FARP1: variants seen among roughly 807,000 people sequenced by gnomAD.
FARP1 encodes FERM, ARHGEF and pleckstrin domain-containing protein 1.
Under a neutral mutation model 128.8 loss-of-function variants are expected in FARP1, and 52 were observed. The ratio of observed to expected loss-of-function variants is 0.40; its 90% CI spans 0.32 to 0.51. FARP1 has a LOEUF of 0.51. Ranked by LOEUF, FARP1 falls within the 20% of genes least tolerant of loss-of-function variation. The pLI, the probability that FARP1 is intolerant of heterozygous loss-of-function variation, is 0.45. For missense variants in FARP1, 1,333 were observed against 1,367.9 expected (o/e 0.97, Z 0.40); for synonymous variants, 580 against 551.8 (o/e 1.05, Z -0.72).
chr13:98,373,535 C>G (rs1199853411), intron 5 of FARP1, among the ~76,000 whole-genome samples: 2 of 56,810 alleles, frequency 3.5e-5, no homozygotes, highest in African/African-American at 1.0e-4. Context: ...GACAGACAGA[C>G]ACACACACAC....
chr13:98,453,007 GCA>G lies in FARP1; in HGVS notation c.*4693_*4694del. ...ATCTGAGAGACTTCATCTGGCTGCA[GCA>G]CAGTGAAGACTGTGTGTGTCCCTGG... On this transcript the variant is annotated 3_prime_UTR_variant, in exon 27 of 27. Transcript: ENST00000319562. The G allele has an allele frequency of 1.6e-6, 1 of 633,004 alleles. No homozygotes were observed. Among genetic ancestry groups the G allele is most frequent in the Non-Finnish European group, 2.7e-6 (1 of 372,420 alleles). 39.2% of individuals were successfully genotyped at this position (633,004 alleles called of 1,614,324 possible). A position where few individuals can be genotyped will look rare whatever the true frequency, so the allele number is the denominator to read the frequency against.
At position 98,440,739 on chromosome 13, in the gene FARP1, T is replaced by A; in HGVS notation, c.2699T>A (p.Leu900Gln). The change falls in exon 24 of 27, where the codon CTG (leucine) becomes CAG (glutamine). Residue 900 changes from leucine (L) to glutamine (Q), a missense_variant. By Grantham distance (113) the Leu-to-Gln change is moderately radical. Transcript: ENST00000319562. ...EDDLSASRTS[L>Q]ERQAPHRGNT... Reference sequence around the variant, plus strand: ...GACCTGAGCGCCTCGCGCACATCGCTGGAGCGCCAGGCCCCGCACCGCGGC... The same window carrying A: ...GACCTGAGCGCCTCGCGCACATCGCAGGAGCGCCAGGCCCCGCACCGCGGC... The A allele has an allele frequency of 6.2e-7, 1 of 1,613,500 alleles. No individual in the cohort carries two copies. Among genetic ancestry groups the A allele is most frequent in the East Asian group, 2.2e-5 (1 of 44,880 alleles).
At chr13:98,366,363 A>G (rs1157945679) in intron 4 of FARP1, among the ~76,000 whole-genome samples, 2 of 152,220 alleles carry the variant, frequency 1.3e-5, no homozygotes, top group African/African-American at 4.8e-5. Flanking sequence ...TATAATAATT[A>G]TACTGACAAT....
chr13:98,170,726 A>C (rs1877595900), intron 1 of FARP1, among the ~76,000 whole-genome samples: 1 of 151,372 alleles, frequency 6.6e-6, no homozygotes, highest in South Asian at 2.1e-4. Flanking sequence ...TCCTGATCTC[A>C]AGTGATCTGC....
At chr13:98,436,212 C>G (rs1313206449) in intron 19 of FARP1, 38 of 219,304 alleles carry the variant, frequency 1.7e-4, no homozygotes, top group Admixed American at 1.5e-3. Flanking sequence ...AGGAGAGATG[C>G]AAGTTCACTG....
rs1050484249 is a variant in FARP1 at position 98,445,966 on chromosome 13, G to GC, written c.2797-131dup. The GC allele has an allele frequency of 4.9e-6, 3 of 617,110 alleles. No individual in the cohort carries two copies. In the African/African-American group the frequency reaches 5.5e-5, roughly 11 times the overall value. The allele number at this position is 617,110 out of a possible 1,614,324, so 38.2% of individuals were successfully genotyped here. ...GCCAAGTCTCCCCACACACGGGGGAGCGGGGGTGGGGCCCACATCCTTCAG... is the reference window on the plus strand; with the variant it reads ...GCCAAGTCTCCCCACACACGGGGGAGCCGGGGGTGGGGCCCACATCCTTCAG... On this transcript the variant is annotated intron_variant, in intron 24 of 26. Transcript: ENST00000319562.
intron 2 of FARP1, among the ~76,000 whole-genome samples, chr13:98,299,249 G>C (rs988894511): frequency 2.6e-5 from 4 of 152,088 alleles, no homozygotes; most frequent in Middle Eastern, 3.4e-3. Flanking sequence ...CTGTTTTTTT[G>C]GCATAGGGTG....
chr13:98,314,371 C>T (rs1251914860), intron 2 of FARP1, among the ~76,000 whole-genome samples: 1 of 149,670 alleles, frequency 6.7e-6, no homozygotes, highest in African/African-American at 2.5e-5. Context: ...CCTCCGTCTC[C>T]CGGGTTCAAG....
At chr13:98,307,994 T>C (rs1175039215) in intron 2 of FARP1, among the ~76,000 whole-genome samples, 1 of 126,652 alleles carries the variant, frequency 7.9e-6, no homozygotes, top group Non-Finnish European at 1.7e-5. Context: ...GCCCCTGGCC[T>C]GGACTGCCTG....
At chr13:98,255,221 C>T (rs1371775564) in intron 2 of FARP1, among the ~76,000 whole-genome samples, 14 of 152,012 alleles carry the variant, frequency 9.2e-5, no homozygotes, top group African/African-American at 9.7e-5. Flanking sequence ...TTGCTGTGGC[C>T]GGGCACGGTG....
chr13:98,216,178 T>C (rs765572950), intron 2 of FARP1, among the ~76,000 whole-genome samples: 1 of 152,200 alleles, frequency 6.6e-6, no homozygotes, highest in Non-Finnish European at 1.5e-5. Flanking sequence ...AAGTCACATA[T>C]CAGCATTTTT....
At chr13:98,334,389 A>C (rs1388362819) in intron 2 of FARP1, 1 of 152,158 alleles carries the variant, frequency 6.6e-6, no homozygotes, top group Non-Finnish European at 1.5e-5. Flanking sequence ...TTTGATACAC[A>C]CAGGCAGAAG....
intron 2 of FARP1, among the ~76,000 whole-genome samples, chr13:98,271,103 G>A (rs1472344668): frequency 6.6e-6 from 1 of 152,218 alleles, no homozygotes; most frequent in African/African-American, 2.4e-5. Context: ...GCTGAAAGCA[G>A]CCTACTTAGG....
intron 26 of FARP1, chr13:98,447,955 G>A (rs1192027955): frequency 1.0e-5 from 5 of 477,546 alleles, no homozygotes; most frequent in Non-Finnish European, 1.9e-5. Flanking sequence ...GTTCTCCCCA[G>A]CAACCAGAGG....
chr13:98,396,508 T>A, intron 13 of FARP1: 1 of 399,012 alleles, frequency 2.5e-6, no homozygotes. Flanking sequence ...AGGAGCCAAG[T>A]CTTCAGCCCG....
At chr13:98,340,414 G>A (rs796662431) in intron 2 of FARP1, among the ~76,000 whole-genome samples, 1 of 150,830 alleles carries the variant, frequency 6.6e-6, no homozygotes, top group Non-Finnish European at 1.5e-5. Flanking sequence ...GTGTGATCTC[G>A]GCTCACTGCA....
chr13:98,319,702 C>T (rs1175655333), intron 2 of FARP1, among the ~76,000 whole-genome samples: 1 of 152,210 alleles, frequency 6.6e-6, no homozygotes, highest in African/African-American at 2.4e-5. Context: ...CACAGTAGAG[C>T]ATGTGGATTC....
intron 2 of FARP1, among the ~76,000 whole-genome samples, chr13:98,266,180 A>C (rs1884104720): frequency 6.6e-6 from 1 of 152,092 alleles, no homozygotes; most frequent in Non-Finnish European, 1.5e-5. Flanking sequence ...AGGAGTGACC[A>C]CTGGGTGAGC....
At chr13:98,371,122 T>A (rs1410301874) in intron 5 of FARP1, among the ~76,000 whole-genome samples, 2 of 151,992 alleles carry the variant, frequency 1.3e-5, no homozygotes, top group East Asian at 3.8e-4. Flanking sequence ...ATAAGTAGCA[T>A]CGGTAGCGTG....
Sources: allele counts gnomAD v4.1 joint callset (sites outside exome capture counted in the v4.1 genomes callset), GRCh38; gene constraint gnomAD v4.1.1; transcripts MANE v1.5; gene names NCBI Gene and HGNC (gene_info 2026-07-23, HGNC 2026-07-21).